Variants in QRICH1 observed in about 807,000 individuals in gnomAD.
QRICH1 encodes the protein transcriptional regulator QRICH1.
QRICH1 carries 16 observed loss-of-function variants against 87.1 expected under a neutral mutation model. The ratio of observed to expected loss-of-function variants is 0.18; its 90% confidence interval spans 0.12 to 0.28. QRICH1 has a LOEUF of 0.28. Among genes scored for constraint, QRICH1 ranks in the 10% least tolerant of loss-of-function variants. QRICH1 has a pLI of 1.00. For missense variants in QRICH1, 647 were observed against 951.7 expected (o/e 0.68, Z 4.21); for synonymous variants, 367 against 368.4 (o/e 1.00, Z 0.05).
intron 1 of QRICH1, among the ~76,000 whole-genome samples, chr3:49,078,386 C>CTTTTTTT (rs60933196): frequency 2.9e-5 from 2 of 69,848 alleles, no homozygotes; most frequent in African/African-American, 5.5e-5. Context: ...ATTATGGTTC[C>CTTTTTTT]TTTTTTTTTT....
chr3:49,064,103 A>G (rs1575357210), intron 2 of QRICH1, among the ~76,000 whole-genome samples: 1 of 150,766 alleles, frequency 6.6e-6, no homozygotes, highest in African/African-American at 2.4e-5. Flanking sequence ...TTTGTTTTTT[A>G]TATTTTTAGT....
intron 1 of QRICH1, chr3:49,092,575 T>C (rs939998839): frequency 2.0e-5 from 3 of 152,132 alleles, no homozygotes; most frequent in Admixed American, 6.6e-5. Context: ...CATTATCAAA[T>C]TTGATGGCTA....
Position 49,066,558 on chromosome 3 carries a change from G to A in QRICH1, c.310-8668C>T, listed in dbSNP as rs546689500. Among the ~76,000 whole-genome samples, 18 of 150,944 alleles carry A rather than the reference G, an allele frequency of 1.2e-4. No homozygotes were observed. The East Asian group carries it at 2.2e-3, about 18-fold the overall frequency. ...TGGCTCACTGCAACCTCCTCCTCCC[G>A]GGTTCAAGCAATTCTCCTGCCTCAG... On this transcript the variant is annotated intron_variant, in intron 2 of 9. Coordinates refer to ENST00000395443, the MANE Select transcript of QRICH1 (RefSeq NM_198880.3).
intron 1 of QRICH1, among the ~76,000 whole-genome samples, chr3:49,089,393 G>T (rs1167120559): frequency 1.3e-5 from 2 of 152,126 alleles, no homozygotes; most frequent in African/African-American, 4.8e-5. Context: ...ACTAAAATTT[G>T]TATTTTTCCC....
chr3:49,093,954 C>T lies in QRICH1; in HGVS notation c.-64G>A. On this transcript the variant is annotated 5_prime_UTR_variant, in exon 1 of 10. Transcript: ENST00000395443. ...GCCGCCGCCGCCGCCTCCGCTGCAC[C>T]CGCCGGCCCCGCCGCACCGCCAGGG... is the stretch of plus-strand genomic sequence containing the variant. 2 of 404,098 alleles carry T rather than the reference C, an allele frequency of 4.9e-6. No homozygotes were observed. Among genetic ancestry groups the T allele is most frequent in the Admixed American group, 8.8e-5 (2 of 22,722 alleles). 25.0% of individuals were successfully genotyped at this position (404,098 alleles called of 1,614,324 possible).
chr3:49,045,898 T>C (rs1362314770), intron 5 of QRICH1, among the ~76,000 whole-genome samples: 2 of 150,936 alleles, frequency 1.3e-5, no homozygotes, highest in East Asian at 3.9e-4. Context: ...CTGGCTCTTA[T>C]TTTTTTTCTT....
At chr3:49,080,965 T>TA (rs1486868077) in intron 1 of QRICH1, among the ~76,000 whole-genome samples, 6 of 7,502 alleles carry the variant, frequency 8.0e-4, no homozygotes, top group Non-Finnish European at 1.3e-3. Flanking sequence ...AAACTCCATC[T>TA]CAAAAAAAAA....
intron 1 of QRICH1, among the ~76,000 whole-genome samples, chr3:49,082,578 T>C (rs1258615330): frequency 6.6e-6 from 1 of 151,720 alleles, no homozygotes; most frequent in Non-Finnish European, 1.5e-5. Context: ...CAAAATCCAT[T>C]CTTTAAGCCT....
At chr3:49,053,049 A>G (rs1049536132) in intron 3 of QRICH1, among the ~76,000 whole-genome samples, 1 of 152,182 alleles carries the variant, frequency 6.6e-6, no homozygotes, top group Non-Finnish European at 1.5e-5. Flanking sequence ...TCCCTTAGGG[A>G]GAAGAGGGCC....
intron 1 of QRICH1, among the ~76,000 whole-genome samples, chr3:49,082,600 A>C (rs748077381): frequency 8.5e-5 from 13 of 152,158 alleles, no homozygotes; most frequent in Non-Finnish European, 1.6e-4. Context: ...CCATTTAAAA[A>C]AAAAGAAAAA....
At chr3:49,035,916 A>AG (rs1478010103) in intron 6 of QRICH1, among the ~76,000 whole-genome samples, 2 of 82,880 alleles carry the variant, frequency 2.4e-5, no homozygotes, top group Admixed American at 1.6e-4. Context: ...TTCTACAAAA[A>AG]AAAAAAAAAA....
intron 2 of QRICH1, among the ~76,000 whole-genome samples, chr3:49,072,642 G>C (rs1032312574): frequency 5.9e-5 from 9 of 152,126 alleles, no homozygotes; most frequent in Non-Finnish European, 1.2e-4. Context: ...AGATTAATAA[G>C]CTCATGCCAA....
chr3:49,046,592 C>G lies in QRICH1; in HGVS notation c.1517-13G>C, dbSNP rs372932028. On this transcript the variant is annotated splice_polypyrimidine_tract_variant and intron_variant, in intron 4 of 9. Transcript: ENST00000395443. ...AGCAGTTGGCGCCCTGCAACGGAAGCCTCAAAAATGAATGAAGGTCCTGGG... is the reference window on the plus strand; with the variant it reads ...AGCAGTTGGCGCCCTGCAACGGAAGGCTCAAAAATGAATGAAGGTCCTGGG... The G allele has an allele frequency of 5.0e-5, 81 of 1,611,248 alleles. No homozygotes were observed. Among genetic ancestry groups the G allele is most frequent in the Non-Finnish European group, 6.7e-5 (79 of 1,179,116 alleles).
intron 1 of QRICH1, among the ~76,000 whole-genome samples, chr3:49,079,890 A>G (rs1457832163): frequency 1.3e-5 from 2 of 152,110 alleles, no homozygotes; most frequent in African/African-American, 4.8e-5. Flanking sequence ...TTAGCCAGGC[A>G]TGGTGTCAGG....
rs2093339798 is a variant in QRICH1 at position 49,046,406 on chromosome 3, G to C, written c.1671+19C>G. 2 of 1,604,116 alleles carry C rather than the reference G, an allele frequency of 1.2e-6. No homozygotes were observed. The highest frequency in any genetic ancestry group is 2.7e-5 in the African/African-American group (2 of 74,448). ...AGGAACACAGCTCAAACATGTTCTT[G>C]TGAAGATCTGTTTCCTACCTTTTGA... On this transcript the variant is annotated intron_variant, in intron 5 of 9. Transcript: ENST00000395443.
Position 49,030,354 on chromosome 3 carries a change from A to AT in QRICH1, c.*97dup, listed in dbSNP as rs534181304. On this transcript the variant is annotated 3_prime_UTR_variant, in exon 10 of 10. Transcript: ENST00000395443. ...CCTGAAAGGCTTCGTAACTACACCA[A>AT]TAAAAAAAAGAAAAAAAAAAATGGA... 285 of 1,222,756 alleles carry AT rather than the reference A, an allele frequency of 2.3e-4. No homozygotes were observed. Among genetic ancestry groups the AT allele is most frequent in the Non-Finnish European group, 2.9e-4 (259 of 880,828 alleles). 75.7% of individuals were successfully genotyped at this position (1,222,756 alleles called of 1,614,324 possible).
At chr3:49,080,693 G>T (rs927048554) in intron 1 of QRICH1, among the ~76,000 whole-genome samples, 1 of 151,918 alleles carries the variant, frequency 6.6e-6, no homozygotes, top group Non-Finnish European at 1.5e-5. Context: ...CTGATATTAA[G>T]TGTAAAGGAT....
chr3:49,058,081 A>C (rs2093413661), intron 2 of QRICH1, 191 bp from the exon 3 acceptor site: 13 of 947,362 alleles, frequency 1.4e-5, no homozygotes, highest in Non-Finnish European at 2.0e-5. Flanking sequence ...CATTACAATA[A>C]CAGGGACATA....
chr3:49,070,689 C>T (rs1356639319), intron 2 of QRICH1, among the ~76,000 whole-genome samples: 1 of 152,160 alleles, frequency 6.6e-6, no homozygotes, highest in East Asian at 1.9e-4. Context: ...CATACTTCAG[C>T]TTCCCAAACA....
Sources: gnomAD v4.1 joint callset for allele counts (sites outside exome capture counted in the v4.1 genomes callset) on GRCh38, gnomAD v4.1.1 for gene constraint, MANE v1.5 for transcripts, NCBI Gene and HGNC (gene_info 2026-07-23, HGNC 2026-07-21) for gene names.